HSD17B2: variants seen among roughly 807,000 people sequenced by gnomAD.
HSD17B2 encodes the protein hydroxysteroid 17-beta dehydrogenase 2, also known as 17-beta-hydroxysteroid dehydrogenase type 2.
Under a neutral mutation model 26.9 loss-of-function variants are expected in HSD17B2, and 32 were observed. That is an observed-to-expected ratio of 1.19 (90% confidence interval 0.90 to 1.60). The LOEUF (loss-of-function observed/expected upper bound fraction) is 1.60, where lower values mean the gene tolerates loss of function less well. HSD17B2 is among the 40% of genes most tolerant of loss of function. The pLI, the probability that HSD17B2 is intolerant of heterozygous loss-of-function variation, is 0.00. For missense variants in HSD17B2, 613 were observed against 468.6 expected (o/e 1.31, Z -2.85); for synonymous variants, 246 against 186.7 (o/e 1.32, Z -2.59).
At chr16:82,063,420 C>G (rs1914496051) in intron 1 of HSD17B2, among the ~76,000 whole-genome samples, 1 of 152,252 alleles carries the variant, frequency 6.6e-6, no homozygotes, top group African/African-American at 2.4e-5. Context: ...TAGAAAGGCT[C>G]TCTAGGGTTA....
intron 1 of HSD17B2, among the ~76,000 whole-genome samples, chr16:82,046,768 T>C (rs1452183932): frequency 6.6e-6 from 1 of 152,206 alleles, no homozygotes; most frequent in Non-Finnish European, 1.5e-5. Context: ...AGAGTGATCA[T>C]GGTCCAGATA....
intron 1 of HSD17B2, among the ~76,000 whole-genome samples, chr16:82,058,740 T>C (rs558408118): frequency 1.8e-4 from 27 of 152,294 alleles, no homozygotes; most frequent in African/African-American, 4.8e-4. Context: ...TTTGTGAATA[T>C]AGAATCGAGA....
At chr16:82,058,436 A>AT (rs1173563891) in intron 1 of HSD17B2, among the ~76,000 whole-genome samples, 4 of 152,138 alleles carry the variant, frequency 2.6e-5, no homozygotes, top group Admixed American at 1.3e-4. Context: ...TAGCTTTCTG[A>AT]TTTTTTTGTA....
chr16:82,045,574 A>C (rs1324136442), intron 1 of HSD17B2, among the ~76,000 whole-genome samples: 1 of 152,236 alleles, frequency 6.6e-6, no homozygotes, highest in Non-Finnish European at 1.5e-5. Flanking sequence ...AGACAAAAGG[A>C]ATATAGGCGA....
At chr16:82,074,159 T>C (rs989584683) in intron 3 of HSD17B2, among the ~76,000 whole-genome samples, 1 of 152,172 alleles carries the variant, frequency 6.6e-6, no homozygotes, top group Non-Finnish European at 1.5e-5. Context: ...AGGCAGAACA[T>C]TGTAACTGGA....
intron 3 of HSD17B2, among the ~76,000 whole-genome samples, chr16:82,076,898 G>T (rs747967519): frequency 1.3e-5 from 2 of 152,142 alleles, no homozygotes; most frequent in African/African-American, 2.4e-5. Flanking sequence ...GAGAAGTCAA[G>T]AAAGTAATCT....
intron 3 of HSD17B2, among the ~76,000 whole-genome samples, chr16:82,074,721 A>G (rs1904292833): frequency 6.6e-6 from 1 of 152,246 alleles, no homozygotes; most frequent in Non-Finnish European, 1.5e-5. Flanking sequence ...TTAGAACTAA[A>G]CAGAGAGATA....
chr16:82,052,308 G>T (rs549022610), intron 1 of HSD17B2: 1 of 152,268 alleles, frequency 6.6e-6, no homozygotes, highest in East Asian at 1.9e-4. Flanking sequence ...TTTCTGTTTT[G>T]GTCTTCTGCC....
intron 4 of HSD17B2, 69 bp from the exon 5 acceptor site, chr16:82,098,006 G>A: frequency 2.7e-6 from 4 of 1,505,696 alleles, no homozygotes; most frequent in East Asian, 2.3e-5. Context: ...TCCCAACAGA[G>A]ACAAGCGCCT....
At chr16:82,081,214 G>C (rs1475885056) in intron 3 of HSD17B2, among the ~76,000 whole-genome samples, 1 of 152,174 alleles carries the variant, frequency 6.6e-6, no homozygotes, top group Non-Finnish European at 1.5e-5. Flanking sequence ...AATTGTGTTT[G>C]CTGTTTATTT....
intron 1 of HSD17B2, among the ~76,000 whole-genome samples, chr16:82,046,381 A>C (rs1413822592): frequency 6.6e-6 from 1 of 152,166 alleles, no homozygotes; most frequent in African/African-American, 2.4e-5. Context: ...AGCACTTTCC[A>C]TGCCTAATTT....
At chr16:82,087,653 A>G (rs570442182) in intron 3 of HSD17B2, among the ~76,000 whole-genome samples, 30 of 152,310 alleles carry the variant, frequency 2.0e-4, no homozygotes, top group African/African-American at 6.7e-4. Context: ...TTCATATGTC[A>G]TGTCTTAGTC....
chr16:82,055,374 T>C (rs936963975), intron 1 of HSD17B2, among the ~76,000 whole-genome samples: 13 of 152,188 alleles, frequency 8.5e-5, no homozygotes, highest in Non-Finnish European at 1.5e-4. Context: ...CATTTGCTTA[T>C]TGAATGTCTC....
intron 1 of HSD17B2, among the ~76,000 whole-genome samples, chr16:82,058,093 A>G (rs60166638): frequency 3.8e-4 from 53 of 139,410 alleles, no homozygotes; most frequent in African/African-American, 1.4e-3. Context: ...TTTTTTTGAG[A>G]TAGGGTTTTG....
intron 4 of HSD17B2, 100 bp from the exon 5 acceptor site, chr16:82,097,975 T>G (rs1597142575): frequency 1.8e-6 from 2 of 1,097,204 alleles, no homozygotes. Context: ...TAAATAAACG[T>G]CATTTGCAAA....
intron 3 of HSD17B2, among the ~76,000 whole-genome samples, chr16:82,088,184 C>T (rs1304784983): frequency 6.6e-6 from 1 of 152,154 alleles, no homozygotes; most frequent in Non-Finnish European, 1.5e-5. Context: ...TAGTAATCCA[C>T]ATAGTAAACA....
chr16:82,090,308 T>TTG (rs1456350838), intron 3 of HSD17B2: 3 of 236,632 alleles, frequency 1.3e-5, no homozygotes, highest in African/African-American at 3.6e-5. Flanking sequence ...CATTGTTTTT[T>TTG]TTTTTTTTTT....
intron 3 of HSD17B2, among the ~76,000 whole-genome samples, chr16:82,080,601 A>C (rs1157920214): frequency 1.3e-5 from 2 of 152,222 alleles, no homozygotes; most frequent in Non-Finnish European, 2.9e-5. Flanking sequence ...TTAAGCCACT[A>C]GGTTTGTAGT....
intron 1 of HSD17B2, among the ~76,000 whole-genome samples, chr16:82,043,205 T>C (rs1317851834): frequency 6.6e-6 from 1 of 152,116 alleles, no homozygotes; most frequent in Non-Finnish European, 1.5e-5. Context: ...ACATAGAGCT[T>C]TGAGGCTTCC....
Sources: gnomAD v4.1 joint callset for allele counts (sites outside exome capture counted in the v4.1 genomes callset) on GRCh38, gnomAD v4.1.1 for gene constraint, MANE v1.5 for transcripts, NCBI Gene and HGNC (gene_info 2026-07-23, HGNC 2026-07-21) for gene names.